Variants in TMPRSS11D observed in about 807,000 individuals in gnomAD.
The protein encoded by TMPRSS11D is transmembrane protease serine 11D.
A neutral mutation model predicts 44.4 loss-of-function variants in TMPRSS11D; 32 were observed. That is an observed-to-expected ratio of 0.72 (90% CI 0.54 to 0.97). The LOEUF is 0.97. TMPRSS11D is among the 50% of genes least tolerant of loss of function. TMPRSS11D has a pLI of 0.00. For synonymous variants in TMPRSS11D, 179 were observed against 177.9 expected (o/e 1.01, Z -0.05); for missense variants, 446 against 502.6 (o/e 0.89, Z 1.08).
intron 1 of TMPRSS11D, among the ~76,000 whole-genome samples, chr4:67,881,629 A>C (rs1719322829): frequency 6.6e-6 from 1 of 152,184 alleles, no homozygotes; most frequent in Admixed American, 6.5e-5. Context: ...GCAGTTCAAA[A>C]ACCAGGATTG....
chr4:67,859,440 A>G, intron 2 of TMPRSS11D, 117 bp downstream of exon 2: 1 of 1,159,222 alleles, frequency 8.6e-7, no homozygotes, highest in Non-Finnish European at 1.2e-6. Flanking sequence ...TAAGTAAGAT[A>G]TATAATCACA....
chr4:67,875,496 T>C (rs1448625731), intron 1 of TMPRSS11D, among the ~76,000 whole-genome samples: 2 of 152,186 alleles, frequency 1.3e-5, no homozygotes, highest in Non-Finnish European at 2.9e-5. Flanking sequence ...TCTCAATCTT[T>C]GCAAACACTT....
Position 67,827,380 on chromosome 4 carries a change from A to G in TMPRSS11D, c.833T>C (p.Leu278Pro). 1 of 1,613,416 alleles carries G rather than the reference A, an allele frequency of 6.2e-7. No individual in the cohort carries two copies. The highest frequency in any genetic ancestry group is 1.7e-5 in the Admixed American group (1 of 59,870). ...THENDIALVR[L>P]ENSVTFTKDI... Reference sequence around the variant, plus strand: ...TTTGGTAAAGGTGACACTGTTCTCAAGTCTCACAAGTGCAATGTCATTTTC... The same window carrying G: ...TTTGGTAAAGGTGACACTGTTCTCAGGTCTCACAAGTGCAATGTCATTTTC... Residue 278 changes from leucine to proline, a missense_variant, in exon 8 of 10, where the codon CTT becomes CCT. By Grantham distance (98) the Leu-to-Pro change is moderately conservative. Coordinates refer to ENST00000283916, the MANE Select transcript of TMPRSS11D (RefSeq NM_004262.3).
At position 67,869,454 on chromosome 4, in the gene TMPRSS11D, A is replaced by G. The variant is rs181747679; in HGVS notation, c.9-9776T>C. On this transcript the variant is annotated intron_variant, in intron 1 of 9. Coordinates refer to ENST00000283916, the MANE Select transcript of TMPRSS11D (RefSeq NM_004262.3). ...TAATTTATAATAATGTATGTAACCT[A>G]TAATATATATGCAATATTACAAGTA... Among the ~76,000 whole-genome samples, 429 of 152,286 alleles carry G rather than the reference A, an allele frequency of 2.8e-3. 3 individuals are homozygous for G. Among genetic ancestry groups the G allele is most frequent in the African/African-American group, 9.8e-3 (406 of 41,572 alleles).
At position 67,842,640 on chromosome 4, in the gene TMPRSS11D, A is replaced by T; in HGVS notation, c.250-15T>A. The T allele has an allele frequency of 6.3e-7, 1 of 1,599,258 alleles. No homozygotes were observed. Among genetic ancestry groups the T allele is most frequent in the Non-Finnish European group, 8.5e-7 (1 of 1,170,592 alleles). ...GTTTTAGTAATCTGTAGAAAGAAAG[A>T]GAGGGGGAATCTCTCTGTAAATACA... On this transcript the variant is annotated splice_polypyrimidine_tract_variant and intron_variant, in intron 3 of 9. Transcript: ENST00000283916.
At chr4:67,875,024 C>T (rs531944414) in intron 1 of TMPRSS11D, among the ~76,000 whole-genome samples, 1 of 152,298 alleles carries the variant, frequency 6.6e-6, no homozygotes, top group South Asian at 2.1e-4. Flanking sequence ...CAACATCTTG[C>T]ATTCAATCCC....
intron 1 of TMPRSS11D, among the ~76,000 whole-genome samples, chr4:67,881,442 CAGCTGTTTT>C (rs1719319267): frequency 6.6e-6 from 1 of 152,176 alleles, no homozygotes; most frequent in Admixed American, 6.5e-5. Context: ...CCAAATGCAG[CAGCTGTTTT>C]AGCATGTGGC....
At chr4:67,855,348 CA>C (rs1209584564) in intron 2 of TMPRSS11D, among the ~76,000 whole-genome samples, 1 of 151,314 alleles carries the variant, frequency 6.6e-6, no homozygotes, top group Non-Finnish European at 1.5e-5. Flanking sequence ...AACAGCATAT[CA>C]AAAAGATAAT....
chr4:67,869,794 C>T (rs1052483806), intron 1 of TMPRSS11D, among the ~76,000 whole-genome samples: 1 of 152,138 alleles, frequency 6.6e-6, no homozygotes, highest in Non-Finnish European at 1.5e-5. Context: ...TTACATTAAG[C>T]CATCAATCAG....
chr4:67,857,322 TACACAC>T (rs140893348), intron 2 of TMPRSS11D, among the ~76,000 whole-genome samples: 57 of 3,404 alleles, frequency 0.017, no homozygotes, highest in African/African-American at 0.019. Context: ...TATATATATA[TACACAC>T]ACACACACAC....
intron 2 of TMPRSS11D, among the ~76,000 whole-genome samples, chr4:67,858,813 A>G (rs370574655): frequency 6.6e-6 from 1 of 152,320 alleles, no homozygotes; most frequent in East Asian, 1.9e-4. Flanking sequence ...CACATTTTAC[A>G]TATCTATGTT....
At chr4:67,876,704 C>G (rs1719199576) in intron 1 of TMPRSS11D, among the ~76,000 whole-genome samples, 1 of 152,030 alleles carries the variant, frequency 6.6e-6, no homozygotes. Flanking sequence ...TTTTCTGAAG[C>G]CTTATTGTTT....
At chr4:67,867,795 T>C (rs1264037166) in intron 1 of TMPRSS11D, among the ~76,000 whole-genome samples, 1 of 152,146 alleles carries the variant, frequency 6.6e-6, no homozygotes, top group Non-Finnish European at 1.5e-5. Flanking sequence ...CCAGTTGGAA[T>C]GGTTATTAGA....
At chr4:67,828,038 G>A (rs1385929) in intron 7 of TMPRSS11D, among the ~76,000 whole-genome samples, 216 of 27,450 alleles carry the variant, frequency 7.9e-3, no homozygotes, top group African/African-American at 0.014. Context: ...AGATTTTGGT[G>A]TGTGTGTGTG....
chr4:67,861,851 A>AAATAGCATGTTTCAACTTTC (rs1718797706), intron 1 of TMPRSS11D, among the ~76,000 whole-genome samples: 1 of 152,138 alleles, frequency 6.6e-6, no homozygotes, highest in African/African-American at 2.4e-5. Context: ...ACAACTGAGG[A>AAATAGCATGTTTCAACTTTC]AATAGCATGT....
intron 1 of TMPRSS11D, among the ~76,000 whole-genome samples, chr4:67,868,105 T>C (rs1158327361): frequency 6.6e-6 from 1 of 151,950 alleles, no homozygotes; most frequent in Admixed American, 6.6e-5. Flanking sequence ...AATATATATA[T>C]ATATGAATAC....
At chr4:67,866,150 T>C (rs1718919818) in intron 1 of TMPRSS11D, among the ~76,000 whole-genome samples, 1 of 151,946 alleles carries the variant, frequency 6.6e-6, no homozygotes, top group East Asian at 1.9e-4. Flanking sequence ...TAATATGCCA[T>C]GGTCAACTGG....
chr4:67,826,944 C>G (rs1300929182), intron 8 of TMPRSS11D, among the ~76,000 whole-genome samples: 1 of 152,032 alleles, frequency 6.6e-6, no homozygotes, highest in Non-Finnish European at 1.5e-5. Flanking sequence ...AACAAACAAA[C>G]AAAATCTTTT....
At chr4:67,838,775 A>T (rs1166741077) in intron 4 of TMPRSS11D, among the ~76,000 whole-genome samples, 1 of 152,100 alleles carries the variant, frequency 6.6e-6, no homozygotes, top group Non-Finnish European at 1.5e-5. Context: ...ATAATCTCCT[A>T]AACAAATTCA....
Sources: allele counts gnomAD v4.1 joint callset (sites outside exome capture counted in the v4.1 genomes callset), GRCh38; gene constraint gnomAD v4.1.1; transcripts MANE v1.5; gene names NCBI Gene and HGNC (gene_info 2026-07-23, HGNC 2026-07-21).